The following TCF12 variants were observed in gnomAD, a reference collection of about 807,000 sequenced individuals.
TCF12 encodes DNA-binding protein HTF4.
Under a neutral mutation model 86.0 loss-of-function variants are expected in TCF12, and 45 were observed. The observed-to-expected ratio is 0.52, with a 90% CI of 0.41 to 0.67. The LOEUF (loss-of-function observed/expected upper bound fraction) is 0.67, where lower values mean the gene tolerates loss of function less well. Among genes scored for constraint, TCF12 ranks in the 30% least tolerant of loss-of-function variants. The probability of loss-of-function intolerance (pLI) is 0.00; values close to 1 mark genes in which losing one functional copy is unlikely to be tolerated. For synonymous variants in TCF12, 330 were observed against 299.6 expected, an observed-to-expected ratio of 1.10 and a Z score of -1.05; for missense variants, 881 against 859.9, an observed-to-expected ratio of 1.02 and a Z score of -0.31.
chr15:57,005,491 C>T (rs2064311096), intron 3 of TCF12, among the ~76,000 whole-genome samples: 1 of 152,210 alleles, frequency 6.6e-6, no homozygotes, highest in Non-Finnish European at 1.5e-5. Flanking sequence ...TGTAGCAAAA[C>T]AGAATGAACC....
At chr15:57,195,157 C>T (rs570517927) in intron 7 of TCF12, among the ~76,000 whole-genome samples, 4 of 152,166 alleles carry the variant, frequency 2.6e-5, no homozygotes, top group African/African-American at 9.7e-5. Flanking sequence ...CCTGCCTTGG[C>T]CTCCCAAAGT....
intron 6 of TCF12, among the ~76,000 whole-genome samples, chr15:57,178,701 A>G (rs1416127909): frequency 6.6e-6 from 1 of 152,186 alleles, no homozygotes; most frequent in African/African-American, 2.4e-5. Flanking sequence ...TTAATAAGAG[A>G]GTTGTAAATT....
chr15:57,053,985 A>G (rs901986074), intron 3 of TCF12, among the ~76,000 whole-genome samples: 4 of 152,210 alleles, frequency 2.6e-5, no homozygotes, highest in Non-Finnish European at 5.9e-5. Context: ...AGATTAATTA[A>G]TGAGTGAGTA....
At chr15:56,959,889 T>G (rs1247654148) in intron 3 of TCF12, among the ~76,000 whole-genome samples, 1 of 152,152 alleles carries the variant, frequency 6.6e-6, no homozygotes. Flanking sequence ...GTCAATTGCT[T>G]TGGTTTACAA....
intron 8 of TCF12, among the ~76,000 whole-genome samples, chr15:57,214,581 A>G (rs2058255835): frequency 6.6e-6 from 1 of 152,192 alleles, no homozygotes; most frequent in South Asian, 2.1e-4. Flanking sequence ...GATATTTGTA[A>G]AGAAACAGTA....
intron 5 of TCF12, among the ~76,000 whole-genome samples, chr15:57,146,712 C>G (rs577375838): frequency 6.6e-6 from 1 of 152,244 alleles, no homozygotes; most frequent in East Asian, 1.9e-4. Context: ...ATTATACATT[C>G]CTCTAAAGCT....
intron 3 of TCF12, among the ~76,000 whole-genome samples, chr15:57,061,263 A>G (rs141125205): frequency 4.4e-4 from 67 of 152,268 alleles, no homozygotes; most frequent in African/African-American, 1.6e-3. Context: ...ACTGGCACCC[A>G]TCTTTCCTCT....
intron 5 of TCF12, among the ~76,000 whole-genome samples, chr15:57,135,928 A>AT (rs34980035): frequency 0.2 from 29,085 of 147,276 alleles, 3,116 homozygotes; most frequent in Non-Finnish European, 0.25. Flanking sequence ...AAAAATCTGG[A>AT]TTTTTTTTTT....
intron 5 of TCF12, among the ~76,000 whole-genome samples, chr15:57,156,670 A>G (rs1166282427): frequency 6.6e-6 from 1 of 152,216 alleles, no homozygotes; most frequent in Non-Finnish European, 1.5e-5. Flanking sequence ...TGTCCCTGGC[A>G]CGCAAACAAC....
At chr15:56,974,884 T>TA (rs1159931311) in intron 3 of TCF12, among the ~76,000 whole-genome samples, 2 of 152,106 alleles carry the variant, frequency 1.3e-5, no homozygotes. Context: ...GGTAAGGCAT[T>TA]ACCAAAAAAT....
At chr15:57,169,295 A>C (rs2055133583) in intron 6 of TCF12, among the ~76,000 whole-genome samples, 1 of 152,194 alleles carries the variant, frequency 6.6e-6, no homozygotes, top group South Asian at 2.1e-4. Context: ...TTCTCATAAG[A>C]ATACCTCATA....
chr15:56,980,467 C>T (rs2062837763), intron 3 of TCF12, among the ~76,000 whole-genome samples: 2 of 152,162 alleles, frequency 1.3e-5, no homozygotes, highest in Admixed American at 6.5e-5. Flanking sequence ...CCCCACAATA[C>T]ATTGAGGCTG....
At chr15:56,937,459 G>A (rs1284241797) in intron 3 of TCF12, among the ~76,000 whole-genome samples, 1 of 151,814 alleles carries the variant, frequency 6.6e-6, no homozygotes, top group African/African-American at 2.4e-5. Context: ...CTTTTTGGAG[G>A]AGTCTTCAGG....
chr15:56,963,039 T>C (rs1340531099), intron 3 of TCF12, among the ~76,000 whole-genome samples: 4 of 151,178 alleles, frequency 2.6e-5, no homozygotes, highest in Non-Finnish European at 5.9e-5. Context: ...TTTTTTTTTT[T>C]TTTTTTTTTT....
At chr15:57,171,558 T>A (rs1203683584) in intron 6 of TCF12, among the ~76,000 whole-genome samples, 1 of 152,240 alleles carries the variant, frequency 6.6e-6, no homozygotes, top group African/African-American at 2.4e-5. Context: ...GCTATTAATG[T>A]ACATAAAATG....
rs143892066 is a variant in TCF12 at position 57,052,978 on chromosome 15, A to G, written c.149-10772A>G. 1.4e-3 allele frequency among the ~76,000 whole-genome samples: 213 copies of G among 152,332 alleles called. 1 individual carries two copies. Among genetic ancestry groups the G allele is most frequent in the Non-Finnish European group, 2.2e-3 (153 of 68,026 alleles). The stretch of plus-strand genomic sequence containing the variant: ...TAATTGTTTTGGATAACTATCTAGT[A>G]GTGGGATTGCTGGGTCATTATGATA... On this transcript the variant is annotated intron_variant, in intron 3 of 20. Coordinates refer to ENST00000333725, the MANE Select transcript of TCF12 (RefSeq NM_207037.2).
At chr15:56,927,450 AT>A (rs2060064075) in intron 3 of TCF12, among the ~76,000 whole-genome samples, 1 of 152,046 alleles carries the variant, frequency 6.6e-6, no homozygotes, top group Non-Finnish European at 1.5e-5. Context: ...ATGTTAGTTC[AT>A]TTATGTCCTG....
intron 6 of TCF12, among the ~76,000 whole-genome samples, chr15:57,183,880 T>C (rs1052397704): frequency 9.8e-5 from 15 of 152,318 alleles, no homozygotes; most frequent in Admixed American, 8.5e-4. Flanking sequence ...CCAAAACCAG[T>C]GCTGTTTCCA....
intron 8 of TCF12, among the ~76,000 whole-genome samples, chr15:57,213,166 G>T (rs116485470): frequency 4.7e-4 from 72 of 152,280 alleles, no homozygotes; most frequent in African/African-American, 1.7e-3. Context: ...ATGTATGACT[G>T]ACACCATTTC....
Sources: allele counts gnomAD v4.1 joint callset (sites outside exome capture counted in the v4.1 genomes callset), GRCh38; gene constraint gnomAD v4.1.1; transcripts MANE v1.5; gene names NCBI Gene and HGNC (gene_info 2026-07-23, HGNC 2026-07-21).